The following FGF12 variants were observed in gnomAD, a reference collection of about 807,000 sequenced individuals.
FGF12 encodes fibroblast growth factor 12.
A neutral mutation model predicts 23.6 loss-of-function variants in FGF12; 14 were observed. The observed-to-expected ratio is 0.59, with a 90% CI of 0.39 to 0.93. FGF12 has a LOEUF of 0.93. FGF12 is among the 40% of genes least tolerant of loss of function. The pLI is 0.00. For missense variants in FGF12, 175 were observed against 217.8 expected (o/e 0.80, Z 1.24); for synonymous variants, 62 against 77.3 (o/e 0.80, Z 1.04).
intron 2 of FGF12, among the ~76,000 whole-genome samples, chr3:192,369,625 T>G (rs1698413493): frequency 6.6e-6 from 1 of 152,204 alleles, no homozygotes; most frequent in South Asian, 2.1e-4. Context: ...TGAGCCAGTT[T>G]TATTCCTCAT....
chr3:192,618,510 G>A (rs1714849501), intron 2 of FGF12, among the ~76,000 whole-genome samples: 1 of 152,122 alleles, frequency 6.6e-6, no homozygotes, highest in Non-Finnish European at 1.5e-5. Context: ...TAGACAAGAT[G>A]AGAAGAGTTA....
chr3:192,496,047 T>G (rs1057021281), intron 2 of FGF12, among the ~76,000 whole-genome samples: 2 of 152,212 alleles, frequency 1.3e-5, no homozygotes, highest in East Asian at 3.8e-4. Context: ...TAGACTCTTA[T>G]GTAAATACTC....
At position 192,500,359 on chromosome 3, in the gene FGF12, A is replaced by C. The variant is rs570936940; in HGVS notation, c.14-139821T>G. ...ACAAGAGTGCACCTATTTACAATTG[A>C]AGGTCTAGAAAATAGAATAGGATTT... On this transcript the variant is annotated intron_variant, in intron 2 of 5. Coordinates refer to ENST00000445105, the MANE Select transcript of FGF12 (RefSeq NM_004113.6). 3.9e-4 allele frequency among the ~76,000 whole-genome samples: 60 copies of C among 152,242 alleles called. 1 individual carries two copies. The highest frequency in any genetic ancestry group is 6.9e-4 in the Non-Finnish European group (47 of 68,034).
chr3:192,331,698 G>A (rs955181827), intron 4 of FGF12, among the ~76,000 whole-genome samples: 1 of 152,012 alleles, frequency 6.6e-6, no homozygotes, highest in Non-Finnish European at 1.5e-5. Flanking sequence ...TGGGGGAGGA[G>A]AGGAAAGAGA....
At chr3:192,727,449 A>G (rs1719261199) in intron 1 of FGF12, 35 bp downstream of exon 1, 8 of 921,490 alleles carry the variant, frequency 8.7e-6, no homozygotes, top group South Asian at 3.6e-5. Flanking sequence ...ATGCATGCAC[A>G]GTGCCCGCTC....
intron 2 of FGF12, among the ~76,000 whole-genome samples, chr3:192,490,569 A>G (rs757176941): frequency 3.9e-5 from 6 of 152,232 alleles, no homozygotes; most frequent in Middle Eastern, 3.4e-3. Context: ...GTACACATAT[A>G]CATATATATA....
At chr3:192,400,483 C>T (rs562108834) in intron 2 of FGF12, among the ~76,000 whole-genome samples, 6 of 151,808 alleles carry the variant, frequency 4.0e-5, no homozygotes, top group Non-Finnish European at 5.9e-5. Flanking sequence ...ATTCTCCTGC[C>T]TCAGCCTCCT....
chr3:192,561,841 C>G (rs575789511), intron 2 of FGF12, among the ~76,000 whole-genome samples: 1 of 151,396 alleles, frequency 6.6e-6, no homozygotes, highest in Non-Finnish European at 1.5e-5. Context: ...ACTATGACCC[C>G]GTACTTCTGC....
At chr3:192,534,768 C>A (rs986626529) in intron 2 of FGF12, among the ~76,000 whole-genome samples, 3 of 152,034 alleles carry the variant, frequency 2.0e-5, no homozygotes, top group Non-Finnish European at 4.4e-5. Context: ...GCTGATAATT[C>A]ATATATGACT....
intron 4 of FGF12, among the ~76,000 whole-genome samples, chr3:192,197,510 A>T (rs935067492): frequency 6.6e-6 from 1 of 152,014 alleles, no homozygotes. Context: ...GATCATAAGG[A>T]CCTTATAAGT....
At chr3:192,156,780 T>C (rs1027587596) in intron 5 of FGF12, among the ~76,000 whole-genome samples, 1 of 152,210 alleles carries the variant, frequency 6.6e-6, no homozygotes, top group Admixed American at 6.5e-5. Context: ...CATAATAGTT[T>C]TGGACAAATG....
chr3:192,451,832 A>G (rs973041267), intron 2 of FGF12, among the ~76,000 whole-genome samples: 3 of 152,210 alleles, frequency 2.0e-5, no homozygotes, highest in Admixed American at 2.0e-4. Flanking sequence ...CTACTGACGG[A>G]ACCTGGGTAA....
chr3:192,317,050 C>CAT (rs1204626439), intron 4 of FGF12, among the ~76,000 whole-genome samples: 1 of 152,102 alleles, frequency 6.6e-6, no homozygotes. Flanking sequence ...CCATCACCAG[C>CAT]TAACTAAAGA....
At chr3:192,186,374 A>G (rs1716468316) in intron 4 of FGF12, among the ~76,000 whole-genome samples, 1 of 152,256 alleles carries the variant, frequency 6.6e-6, no homozygotes, top group Non-Finnish European at 1.5e-5. Flanking sequence ...ACCATCTTGC[A>G]TAAAGCCTTA....
chr3:192,434,090 A>G (rs535948601), intron 2 of FGF12, among the ~76,000 whole-genome samples: 1 of 152,346 alleles, frequency 6.6e-6, no homozygotes, highest in East Asian at 1.9e-4. Flanking sequence ...TGATAAAGCA[A>G]ATGGCCGAGT....
rs1475732374 is a variant in FGF12, at chr3:192,205,444, T to C, written c.229-34788A>G. ...AGAGACGCAGCGTTCCTGAGGACAA[T>C]CAATTCCCTTCCCTCCTTGTGGATT... On this transcript the variant is annotated intron_variant, in intron 4 of 5. Transcript: ENST00000445105. Among the ~76,000 whole-genome samples, 4 of 152,142 alleles carry C rather than the reference T, an allele frequency of 2.6e-5. No homozygotes were observed. The East Asian group carries it at 7.7e-4, about 29-fold the overall frequency.
chr3:192,697,783 G>A (rs1339175884), intron 2 of FGF12, among the ~76,000 whole-genome samples: 1 of 152,124 alleles, frequency 6.6e-6, no homozygotes, highest in African/African-American at 2.4e-5. Context: ...CCAAGCACAC[G>A]ACTCCTTAGA....
intron 2 of FGF12, among the ~76,000 whole-genome samples, chr3:192,552,943 C>A (rs950411981): frequency 1.3e-5 from 2 of 151,744 alleles, no homozygotes; most frequent in African/African-American, 4.8e-5. Context: ...AAAATACATG[C>A]CAGAAGATCT....
At chr3:192,529,233 T>A (rs1172677330) in intron 2 of FGF12, among the ~76,000 whole-genome samples, 1 of 152,234 alleles carries the variant, frequency 6.6e-6, no homozygotes, top group Non-Finnish European at 1.5e-5. Flanking sequence ...CTAGATACCC[T>A]AAATCATCTC....
Sources: allele counts gnomAD v4.1 joint callset (sites outside exome capture counted in the v4.1 genomes callset), GRCh38; gene constraint gnomAD v4.1.1; transcripts MANE v1.5; gene names NCBI Gene and HGNC (gene_info 2026-07-23, HGNC 2026-07-21).